The following EML5 variants were observed in gnomAD, a reference collection of about 807,000 sequenced individuals.
EML5 encodes EMAP like 5, also known as echinoderm microtubule-associated protein-like 5.
Under a neutral mutation model 250.0 loss-of-function variants are expected in EML5, and 120 were observed. That is an observed-to-expected ratio of 0.48 (90% CI 0.41 to 0.56). The LOEUF (loss-of-function observed/expected upper bound fraction) is 0.56. Among genes scored for constraint, EML5 ranks in the 20% least tolerant of loss-of-function variants. The pLI, the probability that EML5 is intolerant of heterozygous loss-of-function variation, is 0.00. For missense variants in EML5, 2,006 were observed against 2,437.6 expected (o/e 0.82, Z 3.73); for synonymous variants, 771 against 806.5 (o/e 0.96, Z 0.75).
intron 25 of EML5, among the ~76,000 whole-genome samples, chr14:88,658,966 A>G (rs901623287): frequency 9.2e-5 from 14 of 152,176 alleles, no homozygotes; most frequent in Non-Finnish European, 1.5e-4. Flanking sequence ...TGGTACACAT[A>G]TATTTATATA....
intron 21 of EML5, among the ~76,000 whole-genome samples, chr14:88,673,121 T>C (rs1410032140): frequency 1.3e-5 from 2 of 152,150 alleles, no homozygotes; most frequent in African/African-American, 4.8e-5. Context: ...CTGAAGAATA[T>C]TGATGCAAAA....
intron 23 of EML5, among the ~76,000 whole-genome samples, chr14:88,663,474 T>C (rs996512585): frequency 1.4e-5 from 2 of 145,832 alleles, no homozygotes; most frequent in Non-Finnish European, 3.0e-5. Context: ...TACAATATAG[T>C]TGAATACATG....
At chr14:88,712,805 T>C (rs1466197016) in intron 9 of EML5, among the ~76,000 whole-genome samples, 3 of 151,888 alleles carry the variant, frequency 2.0e-5, no homozygotes, top group African/African-American at 7.3e-5. Context: ...ACAGGGTAAG[T>C]TATAAAAAAG....
At chr14:88,688,147 C>T (rs772231086) in intron 18 of EML5, 124 bp downstream of exon 18, 3 of 892,454 alleles carry the variant, frequency 3.4e-6, no homozygotes, top group African/African-American at 1.7e-5. Context: ...TCAAGATGAC[C>T]CTAGCCCACA....
At chr14:88,771,112 T>C (rs957408987) in intron 1 of EML5, among the ~76,000 whole-genome samples, 4 of 152,246 alleles carry the variant, frequency 2.6e-5, no homozygotes, top group Non-Finnish European at 5.9e-5. Flanking sequence ...AATATATCAA[T>C]GTTCCTTTAC....
chr14:88,652,462 C>T (rs1253474387), intron 27 of EML5, among the ~76,000 whole-genome samples: 1 of 152,172 alleles, frequency 6.6e-6, no homozygotes, highest in Non-Finnish European at 1.5e-5. Flanking sequence ...TCCATAGGTG[C>T]AAACTCAAAT....
intron 32 of EML5, among the ~76,000 whole-genome samples, chr14:88,634,929 T>A (rs1193080146): frequency 6.6e-6 from 1 of 152,194 alleles, no homozygotes; most frequent in Non-Finnish European, 1.5e-5. Flanking sequence ...TTTTAATGCA[T>A]CTCTGTCTCC....
intron 7 of EML5, among the ~76,000 whole-genome samples, chr14:88,732,326 G>C (rs146788782): frequency 4.6e-5 from 7 of 152,058 alleles, no homozygotes; most frequent in South Asian, 2.1e-4. Flanking sequence ...ATAGGGAATC[G>C]TTTCCCCATT....
At chr14:88,787,224 TC>T (rs1468218317) in intron 1 of EML5, among the ~76,000 whole-genome samples, 1 of 152,208 alleles carries the variant, frequency 6.6e-6, no homozygotes, top group Non-Finnish European at 1.5e-5. Context: ...ACTTTTTATA[TC>T]CCCATGTACA....
intron 33 of EML5, among the ~76,000 whole-genome samples, chr14:88,630,905 T>C (rs750878102): frequency 6.6e-6 from 1 of 152,140 alleles, no homozygotes; most frequent in Admixed American, 6.5e-5. Flanking sequence ...AGTCCCTGGG[T>C]TCTGGATGAC....
At chr14:88,762,386 T>G (rs113264537) in intron 1 of EML5, among the ~76,000 whole-genome samples, 5 of 152,066 alleles carry the variant, frequency 3.3e-5, no homozygotes, top group African/African-American at 1.2e-4. Context: ...GGCACATGCC[T>G]GTAATCCCAG....
chr14:88,618,910 G>T, intron 39 of EML5, 98 bp from the exon 40 acceptor site: 1 of 1,234,912 alleles, frequency 8.1e-7, no homozygotes. Flanking sequence ...AAAGTAACGT[G>T]TGATAAGGCC....
intron 21 of EML5, among the ~76,000 whole-genome samples, chr14:88,679,345 C>G (rs1442970700): frequency 6.6e-6 from 1 of 151,732 alleles, no homozygotes; most frequent in East Asian, 1.9e-4. Flanking sequence ...AATTTAAAGA[C>G]AATGTAACCT....
intron 43 of EML5, 82 bp downstream of exon 43, chr14:88,616,060 A>AT: frequency 6.7e-7 from 1 of 1,482,424 alleles, no homozygotes; most frequent in Non-Finnish European, 9.4e-7. Context: ...TGATTTCATA[A>AT]ACCAAAGCTG....
rs146549283 is a variant in EML5 at position 88,770,112 on chromosome 14, C to A, written c.198-15441G>T. On this transcript the variant is annotated intron_variant, in intron 1 of 43. Coordinates refer to ENST00000554922, the MANE Select transcript of EML5 (RefSeq NM_183387.3). ...GTGAAACGGCCGCTGAAATTTGTTT[C>A]TTTTTCTCTTTTTACTTACAGTCAT... Among the ~76,000 whole-genome samples the A allele has an allele frequency of 3.0e-3, 458 of 152,008 alleles. 3 individuals carry two copies. The highest frequency in any genetic ancestry group is 0.011 in the African/African-American group (444 of 41,502).
At chr14:88,744,791 T>C (rs990058384) in intron 3 of EML5, among the ~76,000 whole-genome samples, 2 of 152,098 alleles carry the variant, frequency 1.3e-5, no homozygotes, top group Non-Finnish European at 2.9e-5. Context: ...TCATGTTTCT[T>C]TGACACCTTA....
intron 1 of EML5, among the ~76,000 whole-genome samples, chr14:88,777,629 C>A (rs545155454): frequency 3.3e-5 from 5 of 152,142 alleles, no homozygotes; most frequent in Non-Finnish European, 7.4e-5. Flanking sequence ...ATAACTACAA[C>A]AACTTTTTAA....
chr14:88,726,599 C>T lies in EML5; in HGVS notation c.1129G>A (p.Asp377Asn), dbSNP rs768034537. ...EPIRCAAVNA[D>N]GIHLALGMKD... ...ATTCCAAGGGCAAGATGGATTCCAT[C>T]TGCATTGACAGCTGCACAACGAATT... is the stretch of plus-strand genomic sequence containing the variant. The change falls in exon 8 of 44, where the codon GAT (aspartate) becomes AAT (asparagine). Residue 377 changes from aspartate to asparagine, a missense_variant. Physicochemically the swap from Asp to Asn is conservative, Grantham distance 23 (BLOSUM62 1). Transcript: ENST00000554922. The T allele has an allele frequency of 2.6e-5, 42 of 1,595,448 alleles. No individual in the cohort carries two copies. The highest frequency in any genetic ancestry group is 3.5e-5 in the Non-Finnish European group (41 of 1,169,810).
intron 1 of EML5, among the ~76,000 whole-genome samples, chr14:88,770,554 C>G (rs184428773): frequency 6.6e-6 from 1 of 152,200 alleles, no homozygotes; most frequent in Non-Finnish European, 1.5e-5. Flanking sequence ...ATCCAGTACA[C>G]AAGCAGCAGG....
Sources: gnomAD v4.1 joint callset for allele counts (sites outside exome capture counted in the v4.1 genomes callset) on GRCh38, gnomAD v4.1.1 for gene constraint, MANE v1.5 for transcripts, NCBI Gene and HGNC (gene_info 2026-07-23, HGNC 2026-07-21) for gene names.